Variants in LYPD6B observed in about 807,000 individuals in gnomAD.
The protein encoded by LYPD6B is ly6/PLAUR domain-containing protein 6B.
Under a neutral mutation model 22.8 loss-of-function variants are expected in LYPD6B, and 17 were observed. That is an observed-to-expected ratio of 0.75 (90% CI 0.51 to 1.12). The LOEUF (loss-of-function observed/expected upper bound fraction) is 1.12. Among genes scored for constraint, LYPD6B ranks in the 50% most tolerant of loss-of-function variants. The probability of loss-of-function intolerance (pLI) is 0.00; values close to 1 mark genes in which losing one functional copy is unlikely to be tolerated. For missense variants in LYPD6B, 221 were observed against 258.3 expected (o/e 0.86, Z 0.99); for synonymous variants, 106 against 91.6 (o/e 1.16, Z -0.90).
At chr2:149,110,783 C>G (rs1686718983) in intron 1 of LYPD6B, among the ~76,000 whole-genome samples, 1 of 152,076 alleles carries the variant, frequency 6.6e-6, no homozygotes, top group Non-Finnish European at 1.5e-5. Flanking sequence ...TCTTTCCTCT[C>G]AAAGAGTTTA....
intron 3 of LYPD6B, among the ~76,000 whole-genome samples, chr2:149,200,888 A>G (rs1693106786): frequency 6.6e-6 from 1 of 152,206 alleles, no homozygotes; most frequent in African/African-American, 2.4e-5. Flanking sequence ...TTCTGGAGCA[A>G]GTATTAATGT....
At chr2:149,145,575 G>A (rs1424055253) in intron 2 of LYPD6B, among the ~76,000 whole-genome samples, 1 of 152,188 alleles carries the variant, frequency 6.6e-6, no homozygotes, top group East Asian at 1.9e-4. Context: ...AGGGTCACAA[G>A]GAAGGGCCAC....
chr2:149,120,784 CTTT>C (rs567231544), intron 1 of LYPD6B, among the ~76,000 whole-genome samples: 50 of 95,534 alleles, frequency 5.2e-4, no homozygotes, highest in South Asian at 3.1e-3. Flanking sequence ...GCTACAAAGT[CTTT>C]TTTTTTTTTT....
intron 1 of LYPD6B, among the ~76,000 whole-genome samples, chr2:149,126,773 C>T (rs1687722454): frequency 6.6e-6 from 1 of 152,192 alleles, no homozygotes; most frequent in African/African-American, 2.4e-5. Flanking sequence ...AAACCCTGGC[C>T]ATTGTGTCAC....
chr2:149,040,968 A>G (rs1045024033), intron 1 of LYPD6B, among the ~76,000 whole-genome samples: 28 of 152,230 alleles, frequency 1.8e-4, no homozygotes, highest in African/African-American at 6.0e-4. Context: ...AGTTGGAAAG[A>G]CAGATATGAG....
At chr2:149,200,674 G>A (rs562827767) in intron 3 of LYPD6B, 3 of 152,178 alleles carry the variant, frequency 2.0e-5, no homozygotes, top group African/African-American at 7.2e-5. Context: ...CTCAGACTTG[G>A]GAAATAGTCA....
chr2:149,166,932 T>G (rs1444631396), intron 3 of LYPD6B, among the ~76,000 whole-genome samples: 1 of 152,156 alleles, frequency 6.6e-6, no homozygotes, highest in Non-Finnish European at 1.5e-5. Context: ...AGGACAGCTT[T>G]CTTGCTTGTC....
chr2:149,209,269 T>A (rs888233079), intron 5 of LYPD6B, among the ~76,000 whole-genome samples: 3 of 152,052 alleles, frequency 2.0e-5, no homozygotes, highest in Non-Finnish European at 4.4e-5. Flanking sequence ...AATGGAGGGT[T>A]GGGGACAAGA....
At chr2:149,176,605 T>C (rs542496108) in intron 3 of LYPD6B, among the ~76,000 whole-genome samples, 33 of 152,268 alleles carry the variant, frequency 2.2e-4, no homozygotes, top group African/African-American at 7.2e-4. Flanking sequence ...ACCTGTGGCT[T>C]GTACTTGGTC....
At chr2:149,088,238 C>G (rs1260353020) in intron 1 of LYPD6B, among the ~76,000 whole-genome samples, 2 of 152,098 alleles carry the variant, frequency 1.3e-5, no homozygotes, top group Non-Finnish European at 2.9e-5. Context: ...ACAGACTAAC[C>G]TATAACTCTC....
At chr2:149,092,177 G>A (rs190265912) in intron 1 of LYPD6B, among the ~76,000 whole-genome samples, 124 of 152,206 alleles carry the variant, frequency 8.1e-4, no homozygotes, top group Middle Eastern at 6.8e-3. Context: ...ATTGGTGGTT[G>A]TGATTGTGGT....
chr2:149,072,521 T>TATTTTATTTTATTTTATTTC lies in LYPD6B; in HGVS notation c.-67+33734_-67+33735insTATTTCATTTTATTTTATTT, dbSNP rs1553478975. ...TATTTTATTTTATTTTATTTTATTT[T>TATTTTATTTTATTTTATTTC]ATTTTATTTTATTTCATTTTATTTT... On this transcript the variant is annotated intron_variant, in intron 1 of 6. Transcript: ENST00000409642. Among the ~76,000 whole-genome samples the TATTTTATTTTATTTTATTTC allele has an allele frequency of 7.6e-3, 1,086 of 143,542 alleles. 4 individuals are homozygous for TATTTTATTTTATTTTATTTC. Among genetic ancestry groups the TATTTTATTTTATTTTATTTC allele is most frequent in the Non-Finnish European group, 1.0e-2 (665 of 66,688 alleles). 94.2% of individuals were successfully genotyped at this position (143,542 alleles called of 152,430 possible).
intron 3 of LYPD6B, among the ~76,000 whole-genome samples, chr2:149,179,516 G>A (rs532714289): frequency 1.3e-5 from 2 of 152,332 alleles, no homozygotes; most frequent in South Asian, 4.1e-4. Flanking sequence ...TGCCACAAAC[G>A]TGTTTTTCCA....
intron 1 of LYPD6B, among the ~76,000 whole-genome samples, chr2:149,060,462 A>G (rs1684024778): frequency 6.6e-6 from 1 of 152,214 alleles, no homozygotes; most frequent in African/African-American, 2.4e-5. Flanking sequence ...TCTATGAGCA[A>G]TCTCCTACAC....
chr2:149,042,588 T>C (rs1683131063), intron 1 of LYPD6B, among the ~76,000 whole-genome samples: 1 of 152,212 alleles, frequency 6.6e-6, no homozygotes. Context: ...AGTCATTTAT[T>C]TCACAAATAT....
At chr2:149,184,122 G>T (rs1691940138) in intron 3 of LYPD6B, among the ~76,000 whole-genome samples, 1 of 152,016 alleles carries the variant, frequency 6.6e-6, no homozygotes, top group South Asian at 2.1e-4. Context: ...AACCCAAGAG[G>T]TGGAGGTTGC....
intron 2 of LYPD6B, among the ~76,000 whole-genome samples, chr2:149,148,801 C>T (rs559540981): frequency 6.6e-6 from 1 of 152,186 alleles, no homozygotes; most frequent in Non-Finnish European, 1.5e-5. Context: ...TGCAATGGCT[C>T]ACAGGTGTGA....
rs568335522 is a variant in LYPD6B, at chr2:149,044,301, C to A, written c.-67+5500C>A. On this transcript the variant is annotated intron_variant, in intron 1 of 6. Coordinates refer to ENST00000409642, the MANE Select transcript of LYPD6B (RefSeq NM_177964.5). ...ATTTATTTAAGTCTTTGATTTCTTC[C>A]ATCAGCACTCTGTAGTTTTCAGGAT... 1.9e-4 allele frequency among the ~76,000 whole-genome samples: 29 copies of A among 152,110 alleles called. No homozygotes were observed. In the South Asian group the frequency reaches 5.4e-3, roughly 28 times the overall value.
At position 149,054,141 on chromosome 2, in the gene LYPD6B, G is replaced by A. The variant is rs555543860; in HGVS notation, c.-67+15340G>A. Among the ~76,000 whole-genome samples, 5 of 152,254 alleles carry A rather than the reference G, an allele frequency of 3.3e-5. No individual in the cohort carries two copies. In the South Asian group the frequency reaches 1.0e-3, roughly 32 times the overall value. On this transcript the variant is annotated intron_variant, in intron 1 of 6. Coordinates refer to ENST00000409642, the MANE Select transcript of LYPD6B (RefSeq NM_177964.5). ...AGGAGTATAATTGTTGGATCATATG[G>A]TAACTGTATGTTTAACCTTTCAGAA...
Sources: gnomAD v4.1 joint callset for allele counts (sites outside exome capture counted in the v4.1 genomes callset) on GRCh38, gnomAD v4.1.1 for gene constraint, MANE v1.5 for transcripts, NCBI Gene and HGNC (gene_info 2026-07-23, HGNC 2026-07-21) for gene names.